The following KLF6 variants were observed in gnomAD, a reference collection of about 807,000 sequenced individuals.
KLF6 encodes the protein KLF transcription factor 6.
For missense variants in KLF6, 233 were observed against 359.8 expected, an observed-to-expected ratio of 0.65 and a Z score of 2.85; for synonymous variants, 152 against 147.9, an observed-to-expected ratio of 1.03 and a Z score of -0.20.
rs1171671292 is a variant in KLF6, at chr10:3,778,327, A to G, written c.*1212T>C. 1.9e-6 allele frequency: 1 copy of G among 526,438 alleles called. No individual in the cohort carries two copies. Among genetic ancestry groups the G allele is most frequent in the African/African-American group, 1.9e-5 (1 of 53,362 alleles). 32.6% of individuals were successfully genotyped at this position (526,438 alleles called of 1,614,324 possible). A position where few individuals can be genotyped will look rare whatever the true frequency, so the allele number is the denominator to read the frequency against. On this transcript the variant is annotated 3_prime_UTR_variant, in exon 4 of 4. Coordinates refer to ENST00000497571, the MANE Select transcript of KLF6 (RefSeq NM_001300.6). ...AGGTCAACAGTGCATTAACAGCTAG[A>G]AAACCAGAAATTAGTCCTCAAGGCA...
chr10:3,784,704 G>T (rs372910080), intron 1 of KLF6, among the ~76,000 whole-genome samples: 1 of 152,184 alleles, frequency 6.6e-6, no homozygotes, highest in Non-Finnish European at 1.5e-5. Context: ...CCAGGGGCTC[G>T]GCCGGGCTGT....
chr10:3,776,866 C>G lies in KLF6; in HGVS notation c.*2673G>C, dbSNP rs1832390241. 1.9e-6 allele frequency: 1 copy of G among 527,800 alleles called. No homozygotes were observed. The highest frequency in any genetic ancestry group is 2.2e-5 in the Admixed American group (1 of 44,666). The allele number at this position is 527,800 out of a possible 1,614,324, so 32.7% of individuals were successfully genotyped here. A position where few individuals can be genotyped will look rare whatever the true frequency, so the allele number is the denominator to read the frequency against. On this transcript the variant is annotated 3_prime_UTR_variant, in exon 4 of 4. Coordinates refer to ENST00000497571, the MANE Select transcript of KLF6 (RefSeq NM_001300.6). ...GCATTGACAGGTACGGTACCCAGCC[C>G]CACCCAGGCAAACAGCTCCGACATG...
rs111949823 is a variant in KLF6, at chr10:3,781,702, G to A, written c.615C>T (p.Asn205=). Residue 205 remains asparagine (N), a synonymous_variant, in exon 2 of 4, where the codon AAC becomes AAT. Coordinates refer to ENST00000497571, the MANE Select transcript of KLF6 (RefSeq NM_001300.6). This position sits in a 1 kb window ranked among gnomAD's most constrained non-coding sequence, Gnocchi z 5.8. ...GRRRVHRCHF[N]GCRKVYTKSS... ...TTTTGGTGTAAACTTTCCTGCAGCC[G>A]TTAAAGTGGCACCGGTGCACCCTCC... 591 of 1,614,042 alleles carry A rather than the reference G, an allele frequency of 3.7e-4. 2 individuals are homozygous for A. The East Asian group carries it at 7.6e-3, about 21-fold the overall frequency.
chr10:3,782,877 C>T lies in KLF6; in HGVS notation c.103-663G>A, dbSNP rs147762922. Among the ~76,000 whole-genome samples the T allele has an allele frequency of 1.3e-5, 2 of 152,350 alleles. No homozygotes were observed. The highest frequency in any genetic ancestry group is 4.8e-5 in the African/African-American group (2 of 41,592). The stretch of plus-strand genomic sequence containing the variant: ...ACAGAATGCCGTTCCCAAGTGCAGG[C>T]CCTTGCATGACACAGAACTTTAATT... On this transcript the variant is annotated intron_variant, in intron 1 of 3. Transcript: ENST00000497571. This position sits in a 1 kb window ranked among gnomAD's most constrained non-coding sequence, Gnocchi z 4.3.
In KLF6 at chr10:3,777,738, TTATATATTATCTATATATATAA is replaced by T. The variant is rs1564293020; in HGVS notation, c.*1779_*1800del. The T allele has an allele frequency of 6.0e-6, 2 of 332,226 alleles. No homozygotes were observed. The highest frequency in any genetic ancestry group is 4.5e-5 in the African/African-American group (2 of 44,708). The allele number at this position is 332,226 out of a possible 1,614,324, so 20.6% of individuals were successfully genotyped here. A position where few individuals can be genotyped will look rare whatever the true frequency, so the allele number is the denominator to read the frequency against. ...TCTAGTTTCTCCTTAAAAAAAATAT[TTATATATTATCTATATATATAA>T]TATATATATATACACACATACACAT... On this transcript the variant is annotated 3_prime_UTR_variant, in exon 4 of 4. Transcript: ENST00000497571.
In KLF6 at chr10:3,777,346, G is replaced by GA. The variant is rs1457816263; in HGVS notation, c.*2192dup. 5.9e-6 allele frequency: 3 copies of GA among 512,592 alleles called. No homozygotes were observed. The highest frequency in any genetic ancestry group is 3.1e-5 in the South Asian group (2 of 64,854). The allele number at this position is 512,592 out of a possible 1,614,324, so 31.8% of individuals were successfully genotyped here. On this transcript the variant is annotated 3_prime_UTR_variant, in exon 4 of 4. Transcript: ENST00000497571. The stretch of plus-strand genomic sequence containing the variant: ...AAAAACTGGAAGAATCTACTTGCTG[G>GA]AAAAAATAGCTTCATCTGCATAAAA...
intron 1 of KLF6, among the ~76,000 whole-genome samples, chr10:3,784,181 C>T (rs966859930): frequency 2.0e-5 from 3 of 152,122 alleles, no homozygotes; most frequent in African/African-American, 7.2e-5. Flanking sequence ...GGCGATGCTA[C>T]CTATAAGCAC....
chr10:3,785,009 G>T lies in KLF6; in HGVS notation c.6C>A (p.Asp2Glu). 1 of 1,610,734 alleles carries T rather than the reference G, an allele frequency of 6.2e-7. No individual in the cohort carries two copies. Among genetic ancestry groups the T allele is most frequent in the Non-Finnish European group, 8.5e-7 (1 of 1,177,982 alleles). Residue 2 changes from aspartate (D) to glutamate (E), a missense_variant, in exon 1 of 4, where the codon GAC becomes GAA. By Grantham distance (45) the Asp-to-Glu change is conservative. Coordinates refer to ENST00000497571, the MANE Select transcript of KLF6 (RefSeq NM_001300.6). ...GGAAGATGCTGCACATGGGGAGCAC[G>T]TCCATGTCGGGCCGGGTTGGACGGA... M[D>E]VLPMCSIFQE...
Position 3,781,592 on chromosome 10 carries a change from C to T in KLF6, c.676+49G>A, listed in dbSNP as rs1410347884. 1 of 1,603,568 alleles carries T rather than the reference C, an allele frequency of 6.2e-7. No individual in the cohort carries two copies. Among genetic ancestry groups the T allele is most frequent in the Non-Finnish European group, 8.5e-7 (1 of 1,174,994 alleles). On this transcript the variant is annotated intron_variant, in intron 2 of 3. Transcript: ENST00000497571. This position sits in a 1 kb window ranked among gnomAD's most constrained non-coding sequence, Gnocchi z 5.8. ...GGCTCCCTCCAGGGCTGGTGCAATG[C>T]AGTGGCGCCCACCAGCGGCCGCCCT...
At position 3,779,441 on chromosome 10, in the gene KLF6, C is replaced by T; in HGVS notation, c.*98G>A. 9.4e-7 allele frequency: 1 copy of T among 1,065,644 alleles called. No individual in the cohort carries two copies. Among genetic ancestry groups the T allele is most frequent in the Non-Finnish European group, 1.5e-6 (1 of 688,248 alleles). The allele number at this position is 1,065,644 out of a possible 1,614,324, so 66.0% of individuals were successfully genotyped here. A position where few individuals can be genotyped will look rare whatever the true frequency, so the allele number is the denominator to read the frequency against. On this transcript the variant is annotated 3_prime_UTR_variant, in exon 4 of 4. Transcript: ENST00000497571. ...GCCCTGGAGGCAACTGGGTAGGGTG[C>T]AGAACGGCATGCTTTGGCTGGAACA...
chr10:3,777,174 A>G lies in KLF6; in HGVS notation c.*2365T>C. The G allele has an allele frequency of 1.9e-6, 1 of 514,322 alleles. No individual in the cohort carries two copies. Among genetic ancestry groups the G allele is most frequent in the African/African-American group, 1.9e-5 (1 of 52,754 alleles). 31.9% of individuals were successfully genotyped at this position (514,322 alleles called of 1,614,324 possible). A position where few individuals can be genotyped will look rare whatever the true frequency, so the allele number is the denominator to read the frequency against. ...TGAGCGTTAGTCACTGCTCATTTCC[A>G]GGAAGATCAAACAAAATACCAGCCC... On this transcript the variant is annotated 3_prime_UTR_variant, in exon 4 of 4. Coordinates refer to ENST00000497571, the MANE Select transcript of KLF6 (RefSeq NM_001300.6).
In KLF6 at chr10:3,778,756, C is replaced by T; in HGVS notation, c.*783G>A. The T allele has an allele frequency of 1.9e-6, 1 of 530,754 alleles. No individual in the cohort carries two copies. The highest frequency in any genetic ancestry group is 3.6e-6 in the Non-Finnish European group (1 of 274,132). The allele number at this position is 530,754 out of a possible 1,614,324, so 32.9% of individuals were successfully genotyped here. On this transcript the variant is annotated 3_prime_UTR_variant, in exon 4 of 4. Coordinates refer to ENST00000497571, the MANE Select transcript of KLF6 (RefSeq NM_001300.6). The stretch of plus-strand genomic sequence containing the variant: ...AAAAATGGAAAAGCATATAGTTCCC[C>T]AGACCATGCATGACTTTTTGTATTC...
chr10:3,776,191 C>T lies in KLF6; in HGVS notation c.*3348G>A. 1 of 531,772 alleles carries T rather than the reference C, an allele frequency of 1.9e-6. No individual in the cohort carries two copies. The highest frequency in any genetic ancestry group is 3.9e-5 in the East Asian group (1 of 25,474). 32.9% of individuals were successfully genotyped at this position (531,772 alleles called of 1,614,324 possible). On this transcript the variant is annotated 3_prime_UTR_variant, in exon 4 of 4. Transcript: ENST00000497571. Reference sequence around the variant, plus strand: ...GGAACTGGAGCAGGCTGTGGAGGCACAGAAGTGGCAGGGAAACACTCAAGT... The same window carrying T: ...GGAACTGGAGCAGGCTGTGGAGGCATAGAAGTGGCAGGGAAACACTCAAGT...
Position 3,779,239 on chromosome 10 carries a change from T to C in KLF6, c.*300A>G. On this transcript the variant is annotated 3_prime_UTR_variant, in exon 4 of 4. Transcript: ENST00000497571. ...TACGGTCAGTAATAGATCCTCAACA[T>C]ACAATCAACCCAACCATTAGCATTC... 1 of 588,008 alleles carries C rather than the reference T, an allele frequency of 1.7e-6. No individual in the cohort carries two copies. Among genetic ancestry groups the C allele is most frequent in the East Asian group, 3.5e-5 (1 of 28,844 alleles). 36.4% of individuals were successfully genotyped at this position (588,008 alleles called of 1,614,324 possible). A position where few individuals can be genotyped will look rare whatever the true frequency, so the allele number is the denominator to read the frequency against.
rs1276887713 is a variant in KLF6 at position 3,779,169 on chromosome 10, T to C, written c.*370A>G. The C allele has an allele frequency of 1.8e-6, 1 of 548,590 alleles. No homozygotes were observed. Among genetic ancestry groups the C allele is most frequent in the Non-Finnish European group, 3.5e-6 (1 of 286,220 alleles). 34.0% of individuals were successfully genotyped at this position (548,590 alleles called of 1,614,324 possible). ...ACATTCAAACTACTTTTTTTCCATC[T>C]CTTGCAGTCTTGCTAACCACAAGGA... On this transcript the variant is annotated 3_prime_UTR_variant, in exon 4 of 4. Transcript: ENST00000497571.
rs1008913326 is a variant in KLF6, at chr10:3,778,650, C to T, written c.*889G>A. ...AAAAAAAATTGTATATTGCCAGGCC[C>T]GGATGGCTAGGGGGTCACTGTATTA... On this transcript the variant is annotated 3_prime_UTR_variant, in exon 4 of 4. Transcript: ENST00000497571. 3.9e-6 allele frequency: 2 copies of T among 517,306 alleles called. No individual in the cohort carries two copies. 32.0% of individuals were successfully genotyped at this position (517,306 alleles called of 1,614,324 possible). A position where few individuals can be genotyped will look rare whatever the true frequency, so the allele number is the denominator to read the frequency against.
rs892271264 is a variant in KLF6, at chr10:3,782,874, A to G, written c.103-660T>C. Among the ~76,000 whole-genome samples the G allele has an allele frequency of 1.3e-5, 2 of 152,260 alleles. No homozygotes were observed. The highest frequency in any genetic ancestry group is 2.9e-5 in the Non-Finnish European group (2 of 68,040). ...TTCACAGAATGCCGTTCCCAAGTGC[A>G]GGCCCTTGCATGACACAGAACTTTA... On this transcript the variant is annotated intron_variant, in intron 1 of 3. Transcript: ENST00000497571. The surrounding 1 kb of genome is among the most constrained non-coding windows in gnomAD (Gnocchi z 4.3).
In KLF6 at chr10:3,780,120, G is replaced by A; in HGVS notation, c.786C>T (p.Cys262=). The stretch of plus-strand genomic sequence containing the variant: ...CAGGCACGTACCTGTCACAGTGGGA[G>A]CATTTAAAAGGCTTGGCCCCGGTGT... The part of the protein sequence containing the change: ...RKHTGAKPFK[C]SHCDRCFSRS... Residue 262 remains cysteine (C), a synonymous_variant, in exon 3 of 4, where the codon TGC becomes TGT. Coordinates refer to ENST00000497571, the MANE Select transcript of KLF6 (RefSeq NM_001300.6). The surrounding 1 kb of genome is among the most constrained non-coding windows in gnomAD (Gnocchi z 4.6). The A allele has an allele frequency of 6.2e-7, 1 of 1,614,216 alleles. No individual in the cohort carries two copies. Among genetic ancestry groups the A allele is most frequent in the East Asian group, 2.2e-5 (1 of 44,880 alleles).
Position 3,781,745 on chromosome 10 carries a change from G to C in KLF6, c.572C>G (p.Ala191Gly). 1 of 1,614,218 alleles carries C rather than the reference G, an allele frequency of 6.2e-7. No homozygotes were observed. The highest frequency in any genetic ancestry group is 1.7e-5 in the Admixed American group (1 of 60,034). The change falls in exon 2 of 4, where the codon GCC (alanine) becomes GGC (glycine). Residue 191 changes from alanine (A) to glycine (G), a missense_variant. Physicochemically the swap from Ala to Gly is moderately conservative, Grantham distance 60. Transcript: ENST00000497571. The surrounding 1 kb of genome is among the most constrained non-coding windows in gnomAD (Gnocchi z 5.8). ...GKPGDKGNGDASPDGRRRVHR... is the reference protein window; with the variant it reads ...GKPGDKGNGDGSPDGRRRVHR... ...CACCCTCCTCCTGCCGTCGGGGGAG[G>C]CATCGCCATTTCCCTTGTCACCTGG... is the stretch of plus-strand genomic sequence containing the variant.
Sources: allele counts gnomAD v4.1 joint callset (sites outside exome capture counted in the v4.1 genomes callset), GRCh38; gene constraint gnomAD v4.1.1; non-coding constraint Gnocchi (gnomAD v3.1); transcripts MANE v1.5; gene names NCBI Gene and HGNC (gene_info 2026-07-23, HGNC 2026-07-21).